Variants in CYP27A1 observed in about 807,000 individuals in gnomAD.
The protein encoded by CYP27A1 is cytochrome P450 family 27 subfamily A member 1.
A neutral mutation model predicts 58.2 loss-of-function variants in CYP27A1; 46 were observed. The ratio of observed to expected loss-of-function variants is 0.79; its 90% CI spans 0.62 to 1.01. The LOEUF is 1.01. CYP27A1 is among the 50% of genes least tolerant of loss of function. CYP27A1 has a pLI of 0.00. For synonymous variants in CYP27A1, 274 were observed against 285.1 expected, an observed-to-expected ratio of 0.96 and a Z score of 0.39; for missense variants, 704 against 687.0, an observed-to-expected ratio of 1.02 and a Z score of -0.28.
rs1299901224 is a variant in CYP27A1, at chr2:218,809,781, T to C, written c.446+14T>C. 2.5e-6 allele frequency: 4 copies of C among 1,610,716 alleles called. No homozygotes were observed. Among genetic ancestry groups the C allele is most frequent in the Admixed American group, 1.7e-5 (1 of 59,866 alleles). ...GCCGTTCACCACGTGAGCTGGGGCCTGAAGGGACTGGAACAGGGCCCCAGA... is the reference window on the plus strand; with the variant it reads ...GCCGTTCACCACGTGAGCTGGGGCCCGAAGGGACTGGAACAGGGCCCCAGA... On this transcript the variant is annotated intron_variant, in intron 2 of 8. Coordinates refer to ENST00000258415, the MANE Select transcript of CYP27A1 (RefSeq NM_000784.4).
rs533349792 is a variant in CYP27A1, at chr2:218,796,693, C to T, written c.256-12884C>T. On this transcript the variant is annotated intron_variant, in intron 1 of 8. Coordinates refer to ENST00000258415, the MANE Select transcript of CYP27A1 (RefSeq NM_000784.4). ...ACAAACATGCTCCAAGTTTTGTTCA[C>T]GGGCATATAGCTTACTCAATTATTA... is the stretch of plus-strand genomic sequence containing the variant. Among the ~76,000 whole-genome samples, 136 of 152,292 alleles carry T rather than the reference C, an allele frequency of 8.9e-4. 2 individuals carry two copies. The highest frequency in any genetic ancestry group is 3.0e-3 in the African/African-American group (123 of 41,542).
chr2:218,814,908 C>A lies in CYP27A1; in HGVS notation c.1477-3C>A, dbSNP rs78938783. On this transcript the variant is annotated splice_polypyrimidine_tract_variant and splice_region_variant and intron_variant, in intron 8 of 8. Coordinates refer to ENST00000258415, the MANE Select transcript of CYP27A1 (RefSeq NM_000784.4). ...CCAACCACATGTGCTCTTTACCCCC[C>A]AGCTGATCCAGAAGTACAAGGTGGT... The A allele has an allele frequency of 2.0e-5, 33 of 1,614,104 alleles. No individual in the cohort carries two copies. The highest frequency in any genetic ancestry group is 2.7e-5 in the Non-Finnish European group (32 of 1,180,044).
chr2:218,785,674 C>T lies in CYP27A1; in HGVS notation c.255+3237C>T, dbSNP rs190963427. Among the ~76,000 whole-genome samples the T allele has an allele frequency of 2.3e-3, 355 of 152,104 alleles. 2 individuals carry two copies. The highest frequency in any genetic ancestry group is 4.3e-3 in the Non-Finnish European group (295 of 67,992). On this transcript the variant is annotated intron_variant, in intron 1 of 8. Coordinates refer to ENST00000258415, the MANE Select transcript of CYP27A1 (RefSeq NM_000784.4). ...GGGCTGGGATATAGTAGCAGAGCCA[C>T]CTGGTTTCAGTCCTTGTATCCCAAA...
Position 218,814,824 on chromosome 2 carries a change from A to G in CYP27A1, c.1476+67A>G, listed in dbSNP as rs986444449. ...GTGGAGGAGTCCTGGGAGGAGAGGA[A>G]GGGAGGCACAGGGTAGGAGTGTGCA... On this transcript the variant is annotated intron_variant, in intron 8 of 8. Transcript: ENST00000258415. 9.3e-6 allele frequency: 15 copies of G among 1,613,312 alleles called. No individual in the cohort carries two copies. The East Asian group carries it at 2.4e-4, about 26-fold the overall frequency.
intron 1 of CYP27A1, among the ~76,000 whole-genome samples, chr2:218,783,949 G>A (rs1033524860): frequency 2.0e-5 from 3 of 152,184 alleles, no homozygotes; most frequent in African/African-American, 7.2e-5. Flanking sequence ...GCAAGCATGG[G>A]GTGAAGACGG....
chr2:218,794,128 C>T (rs922435323), intron 1 of CYP27A1, among the ~76,000 whole-genome samples: 4 of 152,206 alleles, frequency 2.6e-5, no homozygotes, highest in Admixed American at 6.5e-5. Context: ...CACCCTGGTA[C>T]GGGAGAGGAC....
intron 1 of CYP27A1, among the ~76,000 whole-genome samples, chr2:218,794,623 G>C (rs894078572): frequency 9.2e-5 from 14 of 152,122 alleles, no homozygotes; most frequent in Admixed American, 6.6e-4. Flanking sequence ...GGGCTTCTGG[G>C]TTCCCTTCCC....
chr2:218,782,419 G>C lies in CYP27A1; in HGVS notation c.237G>C (p.Leu79=), dbSNP rs1295302612. Residue 79 remains leucine (L), a synonymous_variant, in exon 1 of 9, where the codon CTG becomes CTC. Coordinates refer to ENST00000258415, the MANE Select transcript of CYP27A1 (RefSeq NM_000784.4). The surrounding 1 kb of genome is among the most constrained non-coding windows in gnomAD (Gnocchi z 4.1). The part of the protein sequence containing the change: ...FFQLFVQGYA[L]QLHQLQVLYK... ...AGCTGTTCGTTCAAGGCTATGCCCT[G>C]CAACTGCACCAGTTACAGGTAACCC... The C allele has an allele frequency of 6.2e-7, 1 of 1,614,232 alleles. No individual in the cohort carries two copies. Among genetic ancestry groups the C allele is most frequent in the East Asian group, 2.2e-5 (1 of 44,886 alleles).
chr2:218,808,131 G>A (rs1343856788), intron 1 of CYP27A1, among the ~76,000 whole-genome samples: 1 of 152,054 alleles, frequency 6.6e-6, no homozygotes, highest in Non-Finnish European at 1.5e-5. Flanking sequence ...CTCATGCTTT[G>A]TTTATAAATT....
At position 218,815,102 on chromosome 2, in the gene CYP27A1, A is replaced by G. The variant is rs561065608; in HGVS notation, c.*72A>G. The stretch of plus-strand genomic sequence containing the variant: ...GGCACAGTGGTTCCTGGCTGCTGCC[A>G]TGTCTCAGATGAGGAGGGAGAGAAG... On this transcript the variant is annotated 3_prime_UTR_variant, in exon 9 of 9. Transcript: ENST00000258415. The G allele has an allele frequency of 1.9e-5, 31 of 1,594,428 alleles. No individual in the cohort carries two copies. The highest frequency in any genetic ancestry group is 1.5e-4 in the Admixed American group (9 of 59,570).
In CYP27A1 at chr2:218,782,202, C is replaced by T. The variant is rs1364383591; in HGVS notation, c.20C>T (p.Ala7Val). 11 of 1,538,240 alleles carry T rather than the reference C, an allele frequency of 7.2e-6. No homozygotes were observed. Among genetic ancestry groups the T allele is most frequent in the African/African-American group, 6.9e-5 (5 of 72,830 alleles). Residue 7 changes from alanine (A) to valine (V), a missense_variant, in exon 1 of 9, where the codon GCG becomes GTG. Ala to Val is a moderately conservative substitution (Grantham distance 64). Coordinates refer to ENST00000258415, the MANE Select transcript of CYP27A1 (RefSeq NM_000784.4). The surrounding 1 kb of genome is among the most constrained non-coding windows in gnomAD (Gnocchi z 4.1). MAALGCARLRWALRGAG... is the reference protein window; with the variant it reads MAALGCVRLRWALRGAG... ...CAACCCATGGCTGCGCTGGGCTGCGCGAGGCTGAGGTGGGCGCTGCGAGGG... is the reference window on the plus strand; with the variant it reads ...CAACCCATGGCTGCGCTGGGCTGCGTGAGGCTGAGGTGGGCGCTGCGAGGG...
At chr2:218,803,722 CTTTTTTTTTTTTTTT>C (rs71040407) in intron 1 of CYP27A1, among the ~76,000 whole-genome samples, 3 of 57,750 alleles carry the variant, frequency 5.2e-5, no homozygotes, top group African/African-American at 8.4e-5. Context: ...GTGCCCCCGT[CTTTTTTTTTTTTTTT>C]TTTTTTTTTT....
chr2:218,782,670 A>AG lies in CYP27A1; in HGVS notation c.255+240dup, dbSNP rs775750983. Reference sequence around the variant, plus strand: ...GGCTTAAATCAGGACGGCACCAGTAAGGGGGGGATCTGGACGCCGGACTTA... The same window carrying AG: ...GGCTTAAATCAGGACGGCACCAGTAAGGGGGGGGATCTGGACGCCGGACTTA... On this transcript the variant is annotated intron_variant, in intron 1 of 8. Transcript: ENST00000258415. The surrounding 1 kb of genome is among the most constrained non-coding windows in gnomAD (Gnocchi z 4.1). 1.3e-5 allele frequency among the ~76,000 whole-genome samples: 2 copies of AG among 152,102 alleles called. No homozygotes were observed. Among genetic ancestry groups the AG allele is most frequent in the Non-Finnish European group, 2.9e-5 (2 of 68,018 alleles).
chr2:218,799,546 T>C (rs1016281891), intron 1 of CYP27A1, among the ~76,000 whole-genome samples: 4 of 152,166 alleles, frequency 2.6e-5, no homozygotes, highest in Non-Finnish European at 5.9e-5. Context: ...CTGCTTCCTC[T>C]CTGACTGTTA....
chr2:218,809,856 CA>C (rs1385756386), intron 2 of CYP27A1, 89 bp downstream of exon 2: 4 of 1,207,404 alleles, frequency 3.3e-6, no homozygotes, highest in Non-Finnish European at 4.7e-6. Context: ...GGATAACCGG[CA>C]GAATAGTACC....
intron 1 of CYP27A1, among the ~76,000 whole-genome samples, chr2:218,798,011 C>CT (rs1235207881): frequency 5.9e-5 from 9 of 151,344 alleles, no homozygotes; most frequent in South Asian, 2.1e-4. Context: ...TTCTTATAAT[C>CT]TTTTTTTTTG....
chr2:218,782,354 G>C lies in CYP27A1; in HGVS notation c.172G>C (p.Glu58Gln). Residue 58 changes from glutamate (E) to glutamine (Q), a missense_variant, in exon 1 of 9, where the codon GAG becomes CAG. Coordinates refer to ENST00000258415, the MANE Select transcript of CYP27A1 (RefSeq NM_000784.4). The surrounding 1 kb of genome is among the most constrained non-coding windows in gnomAD (Gnocchi z 4.1). ...TGTCCGGCGGCGGCAACGGAGCTTA[G>C]AGGAGATTCCACGTCTAGGACAGCT... Reference protein sequence around the residue: ...PGVRRRQRSLEEIPRLGQLRF... With the variant: ...PGVRRRQRSLQEIPRLGQLRF... The C allele has an allele frequency of 6.2e-7, 1 of 1,614,050 alleles. No individual in the cohort carries two copies. Among genetic ancestry groups the C allele is most frequent in the Non-Finnish European group, 8.5e-7 (1 of 1,179,966 alleles).
rs548326170 is a variant in CYP27A1 at position 218,795,484 on chromosome 2, T to A, written c.255+13047T>A. On this transcript the variant is annotated intron_variant, in intron 1 of 8. Coordinates refer to ENST00000258415, the MANE Select transcript of CYP27A1 (RefSeq NM_000784.4). ...AAGACTTGGGTGCATGGTGCTTGGT[T>A]TTGGTTAGCTCCCTTGGTCTTCCTT... is the stretch of plus-strand genomic sequence containing the variant. Among the ~76,000 whole-genome samples, 4 of 152,256 alleles carry A rather than the reference T, an allele frequency of 2.6e-5. No individual in the cohort carries two copies. The East Asian group carries it at 7.7e-4, about 29-fold the overall frequency.
In CYP27A1 at chr2:218,782,186, G is replaced by GC. The variant is rs587778802; in HGVS notation, c.5dup (p.Ala3CysfsTer178). 4 of 1,536,356 alleles carry GC rather than the reference G, an allele frequency of 2.6e-6. No homozygotes were observed. Among genetic ancestry groups the GC allele is most frequent in the Non-Finnish European group, 3.5e-6 (4 of 1,145,956 alleles). On this transcript the variant is annotated frameshift_variant, in exon 1 of 9. Coordinates refer to ENST00000258415, the MANE Select transcript of CYP27A1 (RefSeq NM_000784.4). LOFTEE classifies it high-confidence loss of function. This position sits in a 1 kb window ranked among gnomAD's most constrained non-coding sequence, Gnocchi z 4.1. ...TGCAGGCGCGCGAGCACAACCCATG[G>GC]CTGCGCTGGGCTGCGCGAGGCTGAG...
Sources: gnomAD v4.1 joint callset for allele counts (sites outside exome capture counted in the v4.1 genomes callset) on GRCh38, gnomAD v4.1.1 for gene constraint, Gnocchi (gnomAD v3.1) non-coding constraint, MANE v1.5 for transcripts, NCBI Gene and HGNC (gene_info 2026-07-23, HGNC 2026-07-21) for gene names.